Variants in HMMR observed in about 807,000 individuals in gnomAD.
HMMR encodes the protein intracellular hyaluronic acid-binding protein.
A neutral mutation model predicts 101.0 loss-of-function variants in HMMR; 108 were observed. That is an observed-to-expected ratio of 1.07 (90% confidence interval 0.92 to 1.25). HMMR has a LOEUF of 1.25. Among genes scored for constraint, HMMR ranks in the 50% most tolerant of loss-of-function variants. The pLI, the probability that HMMR is intolerant of heterozygous loss-of-function variation, is 0.00. For missense variants in HMMR, 813 were observed against 788.7 expected (o/e 1.03, Z -0.37); for synonymous variants, 296 against 276.4 (o/e 1.07, Z -0.70).
At chr5:163,462,440 C>A (rs1366158496) in intron 1 of HMMR, among the ~76,000 whole-genome samples, 1 of 151,542 alleles carries the variant, frequency 6.6e-6, no homozygotes, top group Non-Finnish European at 1.5e-5. Flanking sequence ...CACATACATA[C>A]GAAAGAAAAG....
chr5:163,467,788 A>G, intron 4 of HMMR, 40 bp downstream of exon 4: 1 of 1,203,368 alleles, frequency 8.3e-7, no homozygotes, highest in Non-Finnish European at 1.2e-6. Context: ...TACACATGAT[A>G]GAAAGAGAGT....
At chr5:163,488,392 CTTTTCTG>C (rs1759557445) in intron 16 of HMMR, among the ~76,000 whole-genome samples, 1 of 152,026 alleles carries the variant, frequency 6.6e-6, no homozygotes, top group African/African-American at 2.4e-5. Flanking sequence ...ATAGGTTATA[CTTTTCTG>C]TTTATTGGCA....
intron 4 of HMMR, among the ~76,000 whole-genome samples, chr5:163,468,169 A>C (rs759443319): frequency 4.6e-5 from 7 of 152,224 alleles, no homozygotes; most frequent in Non-Finnish European, 1.0e-4. Context: ...AACTCGATGC[A>C]TTGCTCTGCA....
chr5:163,476,594 C>A (rs1432110570), intron 11 of HMMR, among the ~76,000 whole-genome samples: 1 of 152,106 alleles, frequency 6.6e-6, no homozygotes, highest in East Asian at 1.9e-4. Context: ...ACGATTATAC[C>A]TGTTAATAGC....
rs754132498 is a variant in HMMR, at chr5:163,475,691, T to A, written c.1268+19T>A. ...TGAAAGGGTTTGTATTAATAGGATC[T>A]CATGTTTATGTATGACTTCAGATGT... On this transcript the variant is annotated intron_variant, in intron 11 of 17. Transcript: ENST00000393915. 57 of 1,364,708 alleles carry A rather than the reference T, an allele frequency of 4.2e-5. 1 individual carries two copies. In the South Asian group the frequency reaches 7.1e-4, roughly 17 times the overall value. The allele number at this position is 1,364,708 out of a possible 1,614,324, so 84.5% of individuals were successfully genotyped here.
intron 6 of HMMR, 30 bp downstream of exon 6, chr5:163,471,301 G>A (rs762472075): frequency 3.7e-6 from 6 of 1,606,238 alleles, no homozygotes. Context: ...GGTTTGCTGT[G>A]TCTGGATCTG....
intron 3 of HMMR, 112 bp from the exon 4 acceptor site, chr5:163,467,589 T>C (rs1474270894): frequency 1.7e-6 from 1 of 594,730 alleles, no homozygotes; most frequent in Non-Finnish European, 3.1e-6. Flanking sequence ...ATGTTTAAAA[T>C]AGAAACTAAC....
Position 163,478,706 on chromosome 5 carries a change from A to C in HMMR, c.1291A>C (p.Ser431Arg), listed in dbSNP as rs562664789. The C allele has an allele frequency of 4.8e-5, 78 of 1,611,564 alleles. 1 individual carries two copies. Among genetic ancestry groups the C allele is most frequent in the Non-Finnish European group, 6.4e-5 (75 of 1,177,868 alleles). Residue 431 changes from serine (S) to arginine (R), a missense_variant, in exon 12 of 18, where the codon AGT becomes CGT. Ser to Arg is a moderately radical substitution (Grantham distance 110). Transcript: ENST00000393915. Reference sequence around the variant, plus strand: ...TAGGAAGGAGGCTGAACTGGAGAAAAGTAGTGCTGCTCATACCCAGGCCAC... The same window carrying C: ...TAGGAAGGAGGCTGAACTGGAGAAACGTAGTGCTGCTCATACCCAGGCCAC... The part of the protein sequence containing the change: ...LKGKEAELEK[S>R]SAAHTQATLL...
At chr5:163,468,685 C>G (rs1210121626) in intron 4 of HMMR, among the ~76,000 whole-genome samples, 3 of 152,042 alleles carry the variant, frequency 2.0e-5, no homozygotes, top group Non-Finnish European at 4.4e-5. Context: ...TTGATACTTA[C>G]AGGAATAATC....
chr5:163,476,904 G>A (rs917416170), intron 11 of HMMR, among the ~76,000 whole-genome samples: 3 of 152,056 alleles, frequency 2.0e-5, no homozygotes, highest in Non-Finnish European at 2.9e-5. Flanking sequence ...CGTGGCGCAC[G>A]CCTGTAATCC....
Position 163,491,124 on chromosome 5 carries a change from G to C in HMMR, c.2138G>C (p.Cys713Ser), listed in dbSNP as rs1362543167. 6.4e-7 allele frequency: 1 copy of C among 1,566,298 alleles called. No homozygotes were observed. The highest frequency in any genetic ancestry group is 1.4e-5 in the African/African-American group (1 of 72,804). The change falls in exon 18 of 18, where the codon TGT becomes TCT. Residue 713 changes from cysteine to serine, a missense_variant. By Grantham distance (112) the Cys-to-Ser change is moderately radical (BLOSUM62 -1). Coordinates refer to ENST00000393915, the MANE Select transcript of HMMR (RefSeq NM_001142556.2). ...ATAATTCTTCTAGGCAATACAAACT[G>C]TTACCGAGCTCCTATGGAGTGTCAA... ...KTPLKEGNTN[C>S]YRAPMECQES...
chr5:163,475,756 CAT>C (rs1299424663), intron 11 of HMMR, 84 bp downstream of exon 11: 4 of 576,994 alleles, frequency 6.9e-6, no homozygotes, highest in African/African-American at 1.9e-5. Flanking sequence ...TCTTATCAAT[CAT>C]GTGAGCGTGT....
intron 16 of HMMR, among the ~76,000 whole-genome samples, 154 bp from the exon 17 acceptor site, chr5:163,490,236 T>TA (rs1421362158): frequency 6.6e-6 from 1 of 152,204 alleles, no homozygotes; most frequent in Non-Finnish European, 1.5e-5. Flanking sequence ...TGTCATTTTG[T>TA]AATTCAGTCT....
intron 10 of HMMR, chr5:163,474,494 T>A (rs765211408): frequency 6.3e-6 from 3 of 475,042 alleles, no homozygotes; most frequent in South Asian, 4.7e-5. Flanking sequence ...TATAAACATT[T>A]ACACTTACCT....
rs376582749 is a variant in HMMR, at chr5:163,474,048, G to A, written c.905-9G>A. On this transcript the variant is annotated splice_polypyrimidine_tract_variant and intron_variant, in intron 9 of 17. Coordinates refer to ENST00000393915, the MANE Select transcript of HMMR (RefSeq NM_001142556.2). ...AATTCCAGTATTCTTGATGTTTTGC[G>A]TTTTCTAGAAGACCATGTCAACAGG... 5.7e-5 allele frequency: 91 copies of A among 1,602,494 alleles called. No homozygotes were observed. Among genetic ancestry groups the A allele is most frequent in the African/African-American group, 3.9e-4 (29 of 74,256 alleles).
chr5:163,480,194 A>C (rs150688186), intron 12 of HMMR, among the ~76,000 whole-genome samples: 1 of 152,244 alleles, frequency 6.6e-6, no homozygotes, highest in East Asian at 1.9e-4. Context: ...ACTGTCCTGA[A>C]GTCTACACTA....
chr5:163,473,057 A>G (rs1465821464), intron 7 of HMMR, 122 bp from the exon 8 acceptor site: 1 of 539,122 alleles, frequency 1.9e-6, no homozygotes, highest in Non-Finnish European at 3.4e-6. Context: ...ATAAAATAAT[A>G]GTTAAGAGTT....
chr5:163,467,748 G>A lies in HMMR; in HGVS notation c.273G>A (p.Glu91=), dbSNP rs1175449655. 12 of 1,483,858 alleles carry A rather than the reference G, an allele frequency of 8.1e-6. No individual in the cohort carries two copies. The East Asian group carries it at 1.6e-4, about 20-fold the overall frequency. 91.9% of individuals were successfully genotyped at this position (1,483,858 alleles called of 1,614,324 possible). ...AAGATTTGAAGATATTAGAGAAAGA[G>A]GTAAGCAGTGCTTTAAACTTAGTGA... ...NDKDLKILEK[E]IRVLLQERGA... Residue 91 remains glutamate (E), a splice_region_variant and synonymous_variant, in exon 4 of 18, where the codon GAG becomes GAA. Transcript: ENST00000393915.
intron 2 of HMMR, 65 bp from the exon 3 acceptor site, chr5:163,464,658 G>C (rs1453645900): frequency 2.5e-5 from 28 of 1,104,284 alleles, no homozygotes; most frequent in Non-Finnish European, 3.5e-5. Flanking sequence ...TTTGGAAATT[G>C]TGTTTTGTGT....
Sources: allele counts gnomAD v4.1 joint callset (sites outside exome capture counted in the v4.1 genomes callset), GRCh38; gene constraint gnomAD v4.1.1; transcripts MANE v1.5; gene names NCBI Gene and HGNC (gene_info 2026-07-23, HGNC 2026-07-21).